The following ADAMTSL1 variants were observed in gnomAD, a reference collection of about 807,000 sequenced individuals.
The protein encoded by ADAMTSL1 is ADAMTS like 1.
A neutral mutation model predicts 201.8 loss-of-function variants in ADAMTSL1; 126 were observed. That is an observed-to-expected ratio of 0.62 (90% CI 0.54 to 0.72). The LOEUF is 0.72. Ranked by LOEUF, ADAMTSL1 falls within the 30% of genes least tolerant of loss-of-function variation. The probability of loss-of-function intolerance (pLI) is 0.00; values close to 1 mark genes in which losing one functional copy is unlikely to be tolerated. For missense variants in ADAMTSL1, 2,679 were observed against 2,277.8 expected, an observed-to-expected ratio of 1.18 and a Z score of -3.59; for synonymous variants, 1,121 against 903.4, an observed-to-expected ratio of 1.24 and a Z score of -4.32.
intron 2 of ADAMTSL1, among the ~76,000 whole-genome samples, chr9:18,227,421 G>A (rs933741831): frequency 7.9e-5 from 12 of 152,144 alleles, no homozygotes; most frequent in African/African-American, 2.9e-4. Flanking sequence ...GGTACATTCA[G>A]AGTGTTCCTC....
intron 1 of ADAMTSL1, among the ~76,000 whole-genome samples, chr9:18,003,780 G>A (rs994348278): frequency 6.6e-6 from 1 of 152,036 alleles, no homozygotes; most frequent in Non-Finnish European, 1.5e-5. Flanking sequence ...GGAAACGAAT[G>A]AGCCTTCTGT....
At chr9:18,286,773 A>G (rs1254282019) in intron 2 of ADAMTSL1, among the ~76,000 whole-genome samples, 2 of 152,178 alleles carry the variant, frequency 1.3e-5, no homozygotes, top group Admixed American at 6.5e-5. Flanking sequence ...CAAAGACTAG[A>G]AAGATTCCCA....
intron 1 of ADAMTSL1, among the ~76,000 whole-genome samples, chr9:17,924,411 G>A (rs13284300): frequency 0.078 from 11,872 of 152,004 alleles, 647 homozygotes; most frequent in South Asian, 0.19. Context: ...GTTTATTTGC[G>A]TAGAGGTGTT....
At chr9:18,084,446 C>G (rs945011526) in intron 1 of ADAMTSL1, among the ~76,000 whole-genome samples, 2 of 151,474 alleles carry the variant, frequency 1.3e-5, no homozygotes, top group African/African-American at 4.9e-5. Context: ...TTCTTGAACC[C>G]AGGAGGCGGA....
At chr9:18,148,434 AAAGTC>A (rs2132033915) in intron 1 of ADAMTSL1, among the ~76,000 whole-genome samples, 1 of 152,128 alleles carries the variant, frequency 6.6e-6, no homozygotes, top group East Asian at 1.9e-4. Flanking sequence ...ATCAGATACT[AAAGTC>A]AAGTCAAATG....
intron 23 of ADAMTSL1, among the ~76,000 whole-genome samples, chr9:18,859,414 T>A (rs552318731): frequency 1.3e-5 from 2 of 152,360 alleles, no homozygotes; most frequent in East Asian, 3.9e-4. Flanking sequence ...TAATCGAGGA[T>A]AATCCCCCAT....
At chr9:18,521,929 A>G (rs1259977586) in intron 2 of ADAMTSL1, among the ~76,000 whole-genome samples, 3 of 152,196 alleles carry the variant, frequency 2.0e-5, no homozygotes, top group Non-Finnish European at 2.9e-5. Flanking sequence ...TAAGACCACA[A>G]GTAACCATCT....
rs116334066 is a variant in ADAMTSL1 at position 18,430,097 on chromosome 9, G to A, written c.208-74732G>A. Among the ~76,000 whole-genome samples the A allele has an allele frequency of 9.9e-3, 1,500 of 152,098 alleles. 29 individuals are homozygous for A. The highest frequency in any genetic ancestry group is 0.035 in the African/African-American group (1,459 of 41,510). On this transcript the variant is annotated intron_variant, in intron 2 of 29. Transcript: ENST00000680146. Reference sequence around the variant, plus strand: ...GAGCCACCATGCCTGGCCAATAGTAGTAAGATTTTAAACAGGACTTCTTAA... The same window carrying A: ...GAGCCACCATGCCTGGCCAATAGTAATAAGATTTTAAACAGGACTTCTTAA...
chr9:17,958,422 A>G (rs1279536250), intron 1 of ADAMTSL1, among the ~76,000 whole-genome samples: 1 of 152,156 alleles, frequency 6.6e-6, no homozygotes, highest in Non-Finnish European at 1.5e-5. Flanking sequence ...AAGTTTTGTG[A>G]GCAAGTTTAT....
chr9:18,064,387 G>A (rs950973081), intron 1 of ADAMTSL1, among the ~76,000 whole-genome samples: 8 of 152,186 alleles, frequency 5.3e-5, no homozygotes, highest in African/African-American at 1.9e-4. Context: ...GAGAACTCAG[G>A]TTTTGATGAA....
chr9:18,900,075 T>G (rs1347716666), intron 26 of ADAMTSL1, among the ~76,000 whole-genome samples: 1 of 151,978 alleles, frequency 6.6e-6, no homozygotes, highest in Non-Finnish European at 1.5e-5. Context: ...AAGAGGAACT[T>G]AAAAAAATTT....
rs117031291 is a variant in ADAMTSL1 at position 18,358,076 on chromosome 9, G to A, written c.208-146753G>A. 5.9e-4 allele frequency among the ~76,000 whole-genome samples: 90 copies of A among 152,222 alleles called. 2 individuals carry two copies. The East Asian group carries it at 0.017, about 29-fold the overall frequency. On this transcript the variant is annotated intron_variant, in intron 2 of 29. Transcript: ENST00000680146. ...AAATAGTTCAAATCCTGGCTGTTCCGGTGACTTAGACATGTTACTTTGGTC... is the reference window on the plus strand; with the variant it reads ...AAATAGTTCAAATCCTGGCTGTTCCAGTGACTTAGACATGTTACTTTGGTC...
chr9:18,266,773 T>C (rs951085786), intron 2 of ADAMTSL1, among the ~76,000 whole-genome samples: 3 of 152,140 alleles, frequency 2.0e-5, no homozygotes, highest in African/African-American at 7.2e-5. Context: ...TCTTTGGAAT[T>C]TTTTCATTTC....
intron 7 of ADAMTSL1, among the ~76,000 whole-genome samples, chr9:18,649,773 C>A (rs1828087873): frequency 6.6e-6 from 1 of 151,990 alleles, no homozygotes; most frequent in South Asian, 2.1e-4. Flanking sequence ...GAGTACCCCG[C>A]CGTGTGAGGT....
intron 1 of ADAMTSL1, among the ~76,000 whole-genome samples, chr9:18,051,118 A>T (rs760591636): frequency 6.6e-6 from 1 of 152,058 alleles, no homozygotes; most frequent in South Asian, 2.1e-4. Context: ...TGGCTAACAT[A>T]GTGAAACCCC....
At chr9:18,130,684 A>C (rs941702346) in intron 1 of ADAMTSL1, among the ~76,000 whole-genome samples, 1 of 152,222 alleles carries the variant, frequency 6.6e-6, no homozygotes, top group East Asian at 1.9e-4. Flanking sequence ...TTAGGAATAC[A>C]AACTACCAAA....
intron 1 of ADAMTSL1, among the ~76,000 whole-genome samples, chr9:18,127,475 A>G (rs1458208184): frequency 8.0e-6 from 1 of 125,268 alleles, no homozygotes; most frequent in Non-Finnish European, 1.7e-5. Context: ...GCATAGGCAC[A>G]TACACAACAC....
At chr9:18,557,077 T>C (rs1310804802) in intron 3 of ADAMTSL1, among the ~76,000 whole-genome samples, 4 of 152,010 alleles carry the variant, frequency 2.6e-5, no homozygotes, top group African/African-American at 9.7e-5. Flanking sequence ...TTTGTCCGTA[T>C]GAACCCTACT....
At chr9:18,628,580 A>G (rs1564101069) in intron 5 of ADAMTSL1, among the ~76,000 whole-genome samples, 1 of 152,144 alleles carries the variant, frequency 6.6e-6, no homozygotes, top group Admixed American at 6.6e-5. Context: ...CTTTCCATAT[A>G]AATTTTACTA....
Sources: gnomAD v4.1 joint callset for allele counts (sites outside exome capture counted in the v4.1 genomes callset) on GRCh38, gnomAD v4.1.1 for gene constraint, MANE v1.5 for transcripts, NCBI Gene and HGNC (gene_info 2026-07-23, HGNC 2026-07-21) for gene names.